The following SOX6 variants were observed in gnomAD, a reference collection of about 807,000 sequenced individuals.
SOX6 encodes SRY-box transcription factor 6.
A neutral mutation model predicts 97.8 loss-of-function variants in SOX6; 11 were observed. That is an observed-to-expected ratio of 0.11 (90% CI 0.07 to 0.19). The LOEUF (loss-of-function observed/expected upper bound fraction) is 0.19, where lower values mean the gene tolerates loss of function less well. Ranked by LOEUF, SOX6 falls within the 10% of genes least tolerant of loss-of-function variation. The pLI, the probability that SOX6 is intolerant of heterozygous loss-of-function variation, is 1.00. For missense variants in SOX6, 810 were observed against 1,039.5 expected (o/e 0.78, Z 3.04); for synonymous variants, 360 against 371.4 (o/e 0.97, Z 0.35).
intron 2 of SOX6, among the ~76,000 whole-genome samples, chr11:16,731,459 G>A (rs538044620): frequency 0.011 from 1,744 of 152,266 alleles, 25 homozygotes; most frequent in African/African-American, 0.04. Context: ...ATCAATAAAT[G>A]TAATCCATCG....
chr11:16,466,803 C>T (rs1860043269), intron 1 of SOX6, among the ~76,000 whole-genome samples: 4 of 148,508 alleles, frequency 2.7e-5, no homozygotes, highest in Admixed American at 1.3e-4. Context: ...TAGTGGCGGG[C>T]GCCTGTAGTC....
At chr11:16,237,994 T>G (rs1853076386) in intron 3 of SOX6, among the ~76,000 whole-genome samples, 1 of 151,938 alleles carries the variant, frequency 6.6e-6, no homozygotes, top group South Asian at 2.1e-4. Flanking sequence ...ACGTAAGTCA[T>G]AATGCTAAAG....
At chr11:16,176,452 G>T (rs1240596159) in intron 6 of SOX6, among the ~76,000 whole-genome samples, 1 of 151,774 alleles carries the variant, frequency 6.6e-6, no homozygotes, top group African/African-American at 2.4e-5. Flanking sequence ...AATATTAAAG[G>T]TGTCTGACCC....
At position 16,109,751 on chromosome 11, in the gene SOX6, A is replaced by G. The variant is rs138252321; in HGVS notation, c.898+2052T>C. Among the ~76,000 whole-genome samples, 164 of 152,340 alleles carry G rather than the reference A, an allele frequency of 1.1e-3. 1 individual carries two copies. Among genetic ancestry groups the G allele is most frequent in the African/African-American group, 3.8e-3 (156 of 41,578 alleles). On this transcript the variant is annotated intron_variant, in intron 7 of 15. Transcript: ENST00000683767. ...AAAGCCTAGGTTAGCCAAAATATTG[A>G]AAGAATTAGAGTTCTGATTAATGAA...
intron 3 of SOX6, among the ~76,000 whole-genome samples, chr11:16,624,186 T>TTATTTATTTATG (rs1477182172): frequency 1.3e-5 from 2 of 150,942 alleles, no homozygotes; most frequent in South Asian, 2.1e-4. Flanking sequence ...TTTTTTTATT[T>TTATTTATTTATG]TATTTATTTA....
chr11:16,495,834 C>T (rs1458873313), intron 4 of SOX6, among the ~76,000 whole-genome samples: 1 of 152,148 alleles, frequency 6.6e-6, no homozygotes, highest in East Asian at 1.9e-4. Context: ...GGCCCAAGAA[C>T]AGGCATGCTT....
chr11:16,670,157 G>C (rs1399758131), intron 3 of SOX6, among the ~76,000 whole-genome samples: 1 of 152,104 alleles, frequency 6.6e-6, no homozygotes, highest in Non-Finnish European at 1.5e-5. Flanking sequence ...CCTGGGGAGA[G>C]GATCCCAGAA....
intron 4 of SOX6, among the ~76,000 whole-genome samples, chr11:16,505,731 C>T (rs898898232): frequency 2.6e-5 from 4 of 152,164 alleles, no homozygotes; most frequent in South Asian, 4.1e-4. Context: ...CTCAGGGCCC[C>T]GACTGCTCTA....
chr11:16,502,307 G>A lies in SOX6; in HGVS notation n.610-25919C>T, dbSNP rs142827439. On this transcript the variant is annotated intron_variant and non_coding_transcript_variant, in intron 4 of 5. Transcript: ENST00000524520. ...AAGTGGAACATCACACACTGGGCCT[G>A]TTGTGGGGTGGAGGGAGTGGGGAGG... Among the ~76,000 whole-genome samples, 23 of 152,220 alleles carry A rather than the reference G, an allele frequency of 1.5e-4. No individual in the cohort carries two copies. In the East Asian group the frequency reaches 3.9e-3, roughly 26 times the overall value.
At chr11:16,154,303 A>C (rs1284885639) in intron 6 of SOX6, among the ~76,000 whole-genome samples, 1 of 152,184 alleles carries the variant, frequency 6.6e-6, no homozygotes, top group Non-Finnish European at 1.5e-5. Context: ...TAAATGGAGG[A>C]AACATTTGCT....
intron 1 of SOX6, among the ~76,000 whole-genome samples, chr11:16,387,629 T>C (rs898715584): frequency 2.6e-5 from 4 of 152,076 alleles, no homozygotes; most frequent in Non-Finnish European, 5.9e-5. Context: ...AGTGTGAAAA[T>C]TGATTTTGCT....
At position 16,707,162 on chromosome 11, in the gene SOX6, G is replaced by C. The variant is rs1356098952; in HGVS notation, n.429+7668C>G. On this transcript the variant is annotated intron_variant and non_coding_transcript_variant, in intron 3 of 5. Transcript: ENST00000524520. ...CTTAATATGGAATTTCAGTTCAAAT[G>C]CTCACAAATTAAGCAAAGAAGCAGT... is the stretch of plus-strand genomic sequence containing the variant. 6.6e-5 allele frequency among the ~76,000 whole-genome samples: 10 copies of C among 152,158 alleles called. No individual in the cohort carries two copies. The East Asian group carries it at 1.9e-3, about 29-fold the overall frequency.
At chr11:16,495,895 C>G (rs1565162719) in intron 4 of SOX6, among the ~76,000 whole-genome samples, 1 of 152,196 alleles carries the variant, frequency 6.6e-6, no homozygotes, top group African/African-American at 2.4e-5. Context: ...TCTGGTGTCC[C>G]TGTCTCCAAC....
At chr11:16,462,809 G>A (rs1326443168) in intron 1 of SOX6, among the ~76,000 whole-genome samples, 1 of 152,172 alleles carries the variant, frequency 6.6e-6, no homozygotes, top group Non-Finnish European at 1.5e-5. Flanking sequence ...GTCCATTACT[G>A]AAAGTCAACT....
chr11:16,648,463 G>T (rs901102780), intron 3 of SOX6, among the ~76,000 whole-genome samples: 1 of 152,098 alleles, frequency 6.6e-6, no homozygotes, highest in Non-Finnish European at 1.5e-5. Flanking sequence ...CATCACCTGA[G>T]AAACCAAAAT....
intron 6 of SOX6, among the ~76,000 whole-genome samples, chr11:16,150,270 T>C (rs577635269): frequency 2.2e-4 from 33 of 152,298 alleles, no homozygotes; most frequent in Non-Finnish European, 4.3e-4. Flanking sequence ...GTAACCACTA[T>C]TCAGAAGGAG....
chr11:16,520,226 T>A (rs1294453747), intron 4 of SOX6, among the ~76,000 whole-genome samples: 1 of 152,196 alleles, frequency 6.6e-6, no homozygotes, highest in Non-Finnish European at 1.5e-5. Flanking sequence ...TCAGTTTTTG[T>A]TTTTGTTGCA....
intron 4 of SOX6, among the ~76,000 whole-genome samples, chr11:16,199,023 A>G (rs973709179): frequency 6.6e-6 from 1 of 152,220 alleles, no homozygotes; most frequent in African/African-American, 2.4e-5. Context: ...CTACATGTCT[A>G]CTACTGATTT....
At chr11:16,233,792 G>A (rs1477056640) in intron 4 of SOX6, among the ~76,000 whole-genome samples, 1 of 151,946 alleles carries the variant, frequency 6.6e-6, no homozygotes, top group African/African-American at 2.4e-5. Context: ...GGCAGATCAC[G>A]AGGTCAAGAG....
Sources: gnomAD v4.1 joint callset for allele counts (sites outside exome capture counted in the v4.1 genomes callset) on GRCh38, gnomAD v4.1.1 for gene constraint, MANE v1.5 for transcripts, NCBI Gene and HGNC (gene_info 2026-07-23, HGNC 2026-07-21) for gene names.